THAP12: variants seen among roughly 807,000 people sequenced by gnomAD.
THAP12 encodes the protein THAP domain containing 12.
A neutral mutation model predicts 63.0 loss-of-function variants in THAP12; 20 were observed. The ratio of observed to expected loss-of-function variants is 0.32; its 90% confidence interval spans 0.22 to 0.46. The LOEUF is 0.46. Ranked by LOEUF, THAP12 falls within the 20% of genes least tolerant of loss-of-function variation. THAP12 has a pLI of 1.00. For missense variants in THAP12, 568 were observed against 908.2 expected, an observed-to-expected ratio of 0.63 and a Z score of 4.81; for synonymous variants, 264 against 328.4, an observed-to-expected ratio of 0.80 and a Z score of 2.12.
chr11:76,352,843 C>A (rs758679450), intron 4 of THAP12, 49 bp from the exon 5 acceptor site: 1 of 1,491,818 alleles, frequency 6.7e-7, no homozygotes, highest in Non-Finnish European at 8.9e-7. Context: ...AAAAACCATA[C>A]ACAACAAAAA....
intron 1 of THAP12, among the ~76,000 whole-genome samples, chr11:76,367,937 T>C (rs1037267073): frequency 2.6e-5 from 4 of 152,202 alleles, no homozygotes; most frequent in African/African-American, 9.7e-5. Context: ...TAACGATGCC[T>C]AAGATGTTCA....
rs1458070695 is a variant in THAP12 at position 76,350,180 on chromosome 11, CTCTGAT to C, written c.*678_*683del. On this transcript the variant is annotated 3_prime_UTR_variant, in exon 5 of 5. Transcript: ENST00000260045. Reference sequence around the variant, plus strand: ...CAAATCAGTTGTCAGTATCCATGGCCTCTGATTCTGTCTCAACCATGAAACAGAAGT... The same window carrying C: ...CAAATCAGTTGTCAGTATCCATGGCCTCTGTCTCAACCATGAAACAGAAGT... 2 of 152,488 alleles carry C rather than the reference CTCTGAT, an allele frequency of 1.3e-5. No homozygotes were observed. Among genetic ancestry groups the C allele is most frequent in the African/African-American group, 2.4e-5 (1 of 41,436 alleles). The allele number at this position is 152,488 out of a possible 1,614,324, so 9.4% of individuals were successfully genotyped here.
intron 2 of THAP12, chr11:76,364,404 T>C (rs910612858): frequency 4.5e-6 from 2 of 441,786 alleles, no homozygotes; most frequent in Non-Finnish European, 9.0e-6. Context: ...AATCATTCTT[T>C]AGTTTTCTGA....
chr11:76,380,719 G>T (rs773166855), intron 1 of THAP12, 29 bp downstream of exon 1: 1 of 1,386,968 alleles, frequency 7.2e-7, no homozygotes, highest in Non-Finnish European at 9.4e-7. Context: ...AGGTGGGCCC[G>T]GGCCGCCCGC....
chr11:76,361,112 T>G (rs1235314324), intron 2 of THAP12, 49 bp from the exon 3 acceptor site: 2 of 1,179,292 alleles, frequency 1.7e-6, no homozygotes, highest in African/African-American at 3.1e-5. Context: ...ATAAATATAT[T>G]ACACATCAAT....
chr11:76,373,492 G>A (rs188160695), intron 1 of THAP12, among the ~76,000 whole-genome samples: 129 of 151,202 alleles, frequency 8.5e-4, no homozygotes, highest in Admixed American at 1.7e-3. Flanking sequence ...GAACAAGGGG[G>A]GAATGCTTCA....
chr11:76,351,239 C>T lies in THAP12; in HGVS notation c.1911G>A (p.Thr637=), dbSNP rs139851321. 3.1e-4 allele frequency: 480 copies of T among 1,554,650 alleles called. No individual in the cohort carries two copies. The highest frequency in any genetic ancestry group is 3.2e-4 in the Non-Finnish European group (371 of 1,150,726). ...MYRSDLPNPD[T]LSAELHCWRI... is the part of the protein sequence containing the mutation. ...TCCAACAATGAAGCTCAGCTGACAGCGTGTCAGGATTGGGTAAGTCACTTC... is the reference window on the plus strand; with the variant it reads ...TCCAACAATGAAGCTCAGCTGACAGTGTGTCAGGATTGGGTAAGTCACTTC... Residue 637 remains threonine (T), a synonymous_variant, in exon 5 of 5, where the codon ACG becomes ACA. Coordinates refer to ENST00000260045, the MANE Select transcript of THAP12 (RefSeq NM_004705.4).
At chr11:76,367,110 CTT>C (rs1946636837) in intron 1 of THAP12, among the ~76,000 whole-genome samples, 1 of 150,382 alleles carries the variant, frequency 6.6e-6, no homozygotes, top group Non-Finnish European at 1.5e-5. Flanking sequence ...GAGTTTTGCT[CTT>C]GTTGCCCAGG....
intron 1 of THAP12, among the ~76,000 whole-genome samples, chr11:76,369,030 T>C (rs965732855): frequency 6.6e-6 from 1 of 152,074 alleles, no homozygotes; most frequent in African/African-American, 2.4e-5. Flanking sequence ...TCAAAATATA[T>C]ATGAAGAACT....
chr11:76,370,653 G>A (rs983279534), intron 1 of THAP12, among the ~76,000 whole-genome samples: 3 of 151,826 alleles, frequency 2.0e-5, no homozygotes, highest in African/African-American at 4.8e-5. Context: ...ATGAGCCACC[G>A]CACGTAGCTC....
chr11:76,355,398 T>C (rs1427910238), intron 4 of THAP12, among the ~76,000 whole-genome samples: 2 of 152,248 alleles, frequency 1.3e-5, no homozygotes, highest in Non-Finnish European at 2.9e-5. Flanking sequence ...CCATGAGGCC[T>C]GCATATAGCA....
Position 76,351,324 on chromosome 11 carries a change from G to A in THAP12, c.1826C>T (p.Pro609Leu). 1 of 1,590,004 alleles carries A rather than the reference G, an allele frequency of 6.3e-7. No individual in the cohort carries two copies. ...GAATTTGAGTTGTCCCATGACTGAG[G>A]GTACCAGAGATAAGCATTTAAGAGC... ...LKALKCLSLV[P>L]SVMGQLKFNT... The change falls in exon 5 of 5, where the codon CCC becomes CTC. Residue 609 changes from proline to leucine, a missense_variant. Coordinates refer to ENST00000260045, the MANE Select transcript of THAP12 (RefSeq NM_004705.4).
chr11:76,378,189 C>T (rs1021871937), intron 1 of THAP12, among the ~76,000 whole-genome samples: 5 of 152,126 alleles, frequency 3.3e-5, no homozygotes, highest in African/African-American at 4.8e-5. Flanking sequence ...GAGGCCAAGG[C>T]GGGCAGATCA....
At chr11:76,353,639 T>C (rs1271064568) in intron 4 of THAP12, among the ~76,000 whole-genome samples, 1 of 152,198 alleles carries the variant, frequency 6.6e-6, no homozygotes, top group Non-Finnish European at 1.5e-5. Flanking sequence ...GCCCTGCCCA[T>C]AGTCATACAG....
chr11:76,352,736 C>A lies in THAP12; in HGVS notation c.414G>T (p.Gln138His). Residue 138 changes from glutamine (Q) to histidine (H), a missense_variant, in exon 5 of 5, where the codon CAG becomes CAT. Physicochemically the swap from Gln to His is conservative, Grantham distance 24. Coordinates refer to ENST00000260045, the MANE Select transcript of THAP12 (RefSeq NM_004705.4). Reference protein sequence around the residue: ...KHKETNNSNAQNPSEEEGEGQ... With the variant: ...KHKETNNSNAHNPSEEEGEGQ... ...CTTCACCCTCTTCTTCGCTGGGGTT[C>A]TGAGCATTGCTATTGTTGGTTTCTT... The A allele has an allele frequency of 6.3e-7, 1 of 1,581,786 alleles. No homozygotes were observed. The highest frequency in any genetic ancestry group is 8.6e-7 in the Non-Finnish European group (1 of 1,166,972).
chr11:76,371,919 T>G (rs1296279121), intron 1 of THAP12, among the ~76,000 whole-genome samples: 1 of 146,972 alleles, frequency 6.8e-6, no homozygotes, highest in East Asian at 2.1e-4. Context: ...TTCAAGCTAC[T>G]CTACTGCCTC....
intron 1 of THAP12, among the ~76,000 whole-genome samples, chr11:76,367,169 C>T (rs553944225): frequency 1.7e-3 from 259 of 152,020 alleles, no homozygotes; most frequent in Non-Finnish European, 3.0e-3. Flanking sequence ...CTCTGCTTCC[C>T]GGGTTCAAGC....
chr11:76,366,731 C>T (rs370307145), intron 1 of THAP12, among the ~76,000 whole-genome samples: 14 of 151,720 alleles, frequency 9.2e-5, no homozygotes, highest in African/African-American at 3.4e-4. Flanking sequence ...TAACTAGTTT[C>T]TAAGGGAAGC....
chr11:76,376,069 G>T (rs1361489697), intron 1 of THAP12, among the ~76,000 whole-genome samples: 1 of 152,158 alleles, frequency 6.6e-6, no homozygotes, highest in Non-Finnish European at 1.5e-5. Context: ...GGGAATGGGA[G>T]GTTATTGCCT....
Sources: allele counts gnomAD v4.1 joint callset (sites outside exome capture counted in the v4.1 genomes callset), GRCh38; gene constraint gnomAD v4.1.1; transcripts MANE v1.5; gene names NCBI Gene and HGNC (gene_info 2026-07-23, HGNC 2026-07-21).